The following ARHGEF28 variants were observed in gnomAD, a reference collection of about 807,000 sequenced individuals.
ARHGEF28 encodes the protein 190 kDa guanine nucleotide exchange factor.
In ARHGEF28, 152 loss-of-function variants were observed where a neutral mutation model predicts 206.6. The ratio of observed to expected loss-of-function variants is 0.74; its 90% confidence interval spans 0.64 to 0.84. ARHGEF28 has a LOEUF of 0.84. ARHGEF28 is among the 40% of genes least tolerant of loss of function. ARHGEF28 has a pLI of 0.00. For missense variants in ARHGEF28, 2,028 were observed against 2,073.2 expected, an observed-to-expected ratio of 0.98 and a Z score of 0.42; for synonymous variants, 763 against 776.4, an observed-to-expected ratio of 0.98 and a Z score of 0.29.
intron 4 of ARHGEF28, among the ~76,000 whole-genome samples, chr5:73,757,993 A>G (rs1752405266): frequency 6.6e-6 from 1 of 152,130 alleles, no homozygotes; most frequent in South Asian, 2.1e-4. Flanking sequence ...TTATGTGTTG[A>G]TGCTCAGATG....
chr5:73,742,830 C>CA (rs373495344), intron 2 of ARHGEF28, among the ~76,000 whole-genome samples: 4,841 of 55,464 alleles, frequency 0.087, 142 homozygotes, highest in African/African-American at 0.14. Context: ...GACTCCGTCT[C>CA]AAAAAAAAAA....
chr5:73,868,059 G>A (rs758242535), intron 19 of ARHGEF28, 39 bp downstream of exon 19: 2 of 1,613,166 alleles, frequency 1.2e-6, no homozygotes, highest in African/African-American at 2.7e-5. Context: ...ATGGCTCAGA[G>A]AGCTTCTGGG....
At chr5:73,817,865 G>A (rs1756322685) in intron 9 of ARHGEF28, among the ~76,000 whole-genome samples, 2 of 152,124 alleles carry the variant, frequency 1.3e-5, no homozygotes, top group Admixed American at 1.3e-4. Context: ...GTGCCATTGT[G>A]CCTCCCCATC....
chr5:73,934,587 T>TC (rs1764313283), intron 35 of ARHGEF28, among the ~76,000 whole-genome samples: 1 of 152,238 alleles, frequency 6.6e-6, no homozygotes, highest in African/African-American at 2.4e-5. Context: ...ATCTTGACCA[T>TC]TTATTGTCTC....
At position 73,795,188 on chromosome 5, in the gene ARHGEF28, C is replaced by T. The variant is rs563636892; in HGVS notation, c.964-143C>T. 4.0e-5 allele frequency: 27 copies of T among 671,250 alleles called. No homozygotes were observed. In the African/African-American group the frequency reaches 4.4e-4, roughly 11 times the overall value. The allele number at this position is 671,250 out of a possible 1,614,324, so 41.6% of individuals were successfully genotyped here. On this transcript the variant is annotated intron_variant, in intron 8 of 35. Transcript: ENST00000513042. ...CTGTTAAATAATATTAAGTATAAGACTAGTTTTCTGTTTACATGTGATGAT... is the reference window on the plus strand; with the variant it reads ...CTGTTAAATAATATTAAGTATAAGATTAGTTTTCTGTTTACATGTGATGAT...
At chr5:73,831,827 G>T (rs1215627326) in intron 9 of ARHGEF28, among the ~76,000 whole-genome samples, 1 of 152,196 alleles carries the variant, frequency 6.6e-6, no homozygotes, top group Non-Finnish European at 1.5e-5. Context: ...GAGTAGCTGG[G>T]ATTACAGGCA....
rs55877309 is a variant in ARHGEF28, at chr5:73,658,962, TACACACACAC to T, written c.-11-25844_-11-25835del. Reference sequence around the variant, plus strand: ...TAGACAGGTCTGTGATGCATGCAGGTACACACACACACACACACACACACACACACACACA... The same window carrying T: ...TAGACAGGTCTGTGATGCATGCAGGTACACACACACACACACACACACACA... On this transcript the variant is annotated intron_variant, in intron 1 of 35. Transcript: ENST00000513042. Among the ~76,000 whole-genome samples the T allele has an allele frequency of 9.2e-3, 1,154 of 124,836 alleles. 27 individuals carry two copies. Among genetic ancestry groups the T allele is most frequent in the Admixed American group, 0.072 (843 of 11,730 alleles). 81.9% of individuals were successfully genotyped at this position (124,836 alleles called of 152,430 possible).
chr5:73,686,158 C>T (rs759254222), intron 2 of ARHGEF28, among the ~76,000 whole-genome samples: 2 of 152,058 alleles, frequency 1.3e-5, no homozygotes, highest in African/African-American at 2.4e-5. Context: ...GATTTTCAGG[C>T]CATAAAATGT....
At chr5:73,724,546 C>T (rs181023189) in intron 2 of ARHGEF28, among the ~76,000 whole-genome samples, 15 of 152,318 alleles carry the variant, frequency 9.8e-5, no homozygotes, top group Admixed American at 9.8e-4. Context: ...TGTGCTGCCC[C>T]TTTGTTGTAG....
chr5:73,698,616 G>A (rs1748370124), intron 2 of ARHGEF28, among the ~76,000 whole-genome samples: 2 of 152,004 alleles, frequency 1.3e-5, no homozygotes, highest in African/African-American at 4.8e-5. Flanking sequence ...CAAAGATGGA[G>A]GAAACTGGCT....
chr5:73,753,772 T>C (rs1441850977), intron 4 of ARHGEF28, among the ~76,000 whole-genome samples: 1 of 152,238 alleles, frequency 6.6e-6, no homozygotes, highest in Non-Finnish European at 1.5e-5. Flanking sequence ...CTATAGATGT[T>C]ATATATAGGC....
rs1384374041 is a variant in ARHGEF28, at chr5:73,806,381, G to T, written c.1024+10990G>T. 1.1e-4 allele frequency among the ~76,000 whole-genome samples: 13 copies of T among 115,280 alleles called. 1 individual carries two copies. The highest frequency in any genetic ancestry group is 4.8e-4 in the East Asian group (2 of 4,124). 75.6% of individuals were successfully genotyped at this position (115,280 alleles called of 152,430 possible). ...TATCTATCTATATATACTATATATA[G>T]ATATATAGATATATATACATATATA... On this transcript the variant is annotated intron_variant, in intron 9 of 35. Coordinates refer to ENST00000513042, the MANE Select transcript of ARHGEF28 (RefSeq NM_001177693.2).
At chr5:73,632,870 G>A (rs190329179) in intron 1 of ARHGEF28, among the ~76,000 whole-genome samples, 63 of 152,160 alleles carry the variant, frequency 4.1e-4, no homozygotes, top group African/African-American at 1.5e-3. Flanking sequence ...AATGGACTTT[G>A]GTGAGGGGGA....
intron 2 of ARHGEF28, among the ~76,000 whole-genome samples, chr5:73,741,407 A>ATG: frequency 6.1e-5 from 1 of 16,310 alleles, no homozygotes; most frequent in Non-Finnish European, 1.2e-4. Flanking sequence ...ATATATATAT[A>ATG]TATATATATA....
chr5:73,892,233 A>G lies in ARHGEF28; in HGVS notation c.3566+3A>G, dbSNP rs1761686606. On this transcript the variant is annotated splice_donor_region_variant and intron_variant, in intron 27 of 35. Transcript: ENST00000513042. Reference sequence around the variant, plus strand: ...CGGATCCAGCAGGCTGTAGAAAGGTAACATTTCCTTCCGTCCATAATCTAT... The same window carrying G: ...CGGATCCAGCAGGCTGTAGAAAGGTGACATTTCCTTCCGTCCATAATCTAT... The G allele has an allele frequency of 1.9e-6, 3 of 1,557,470 alleles. No homozygotes were observed. Among genetic ancestry groups the G allele is most frequent in the African/African-American group, 1.4e-5 (1 of 73,474 alleles).
At position 73,892,192 on chromosome 5, in the gene ARHGEF28, C is replaced by T. The variant is rs2112685907; in HGVS notation, c.3528C>T (p.Arg1176=). 6.3e-7 allele frequency: 1 copy of T among 1,574,856 alleles called. No homozygotes were observed. The change falls in exon 27 of 36, where the codon CGC becomes CGT. Residue 1176 remains arginine, a synonymous_variant. Coordinates refer to ENST00000513042, the MANE Select transcript of ARHGEF28 (RefSeq NM_001177693.2). Reference sequence around the variant, plus strand: ...TTCACACCAATTCCAAGGAGGAACGCAATAACTGGATGAGACGGATCCAGC... The same window carrying T: ...TTCACACCAATTCCAAGGAGGAACGTAATAACTGGATGAGACGGATCCAGC... ...YEIHTNSKEE[R]NNWMRRIQQA...
At chr5:73,831,960 G>A (rs1274011130) in intron 9 of ARHGEF28, among the ~76,000 whole-genome samples, 1 of 152,178 alleles carries the variant, frequency 6.6e-6, no homozygotes, top group Non-Finnish European at 1.5e-5. Flanking sequence ...CAAAGTGCTG[G>A]GATTACAGGC....
chr5:73,837,009 C>G (rs1166381095), intron 10 of ARHGEF28, among the ~76,000 whole-genome samples: 1 of 152,028 alleles, frequency 6.6e-6, no homozygotes, highest in African/African-American at 2.4e-5. Flanking sequence ...CTATTCTGTT[C>G]CATGTGCCCA....
In ARHGEF28 at chr5:73,927,097, A is replaced by AT. The variant is rs751427842; in HGVS notation, c.4949-13746dup. ...CTTTCTTGGCCAGGTGCAGTGGCTC[A>AT]TGCCTATAACCTCAACACTTTGGGA... On this transcript the variant is annotated intron_variant, in intron 35 of 35. Coordinates refer to ENST00000513042, the MANE Select transcript of ARHGEF28 (RefSeq NM_001177693.2). Among the ~76,000 whole-genome samples the AT allele has an allele frequency of 3.9e-5, 6 of 152,306 alleles. No homozygotes were observed. The East Asian group carries it at 1.2e-3, about 29-fold the overall frequency.
Sources: allele counts gnomAD v4.1 joint callset (sites outside exome capture counted in the v4.1 genomes callset), GRCh38; gene constraint gnomAD v4.1.1; transcripts MANE v1.5; gene names NCBI Gene and HGNC (gene_info 2026-07-23, HGNC 2026-07-21).